The following VPS26A variants were observed in gnomAD, a reference collection of about 807,000 sequenced individuals.
The protein encoded by VPS26A is vacuolar protein sorting-associated protein 26A.
Under a neutral mutation model 42.4 loss-of-function variants are expected in VPS26A, and 22 were observed. That is an observed-to-expected ratio of 0.52 (90% confidence interval 0.37 to 0.74). The LOEUF is 0.74. Ranked by LOEUF, VPS26A falls within the 30% of genes least tolerant of loss-of-function variation. The pLI, the probability that VPS26A is intolerant of heterozygous loss-of-function variation, is 0.00. For missense variants in VPS26A, 276 were observed against 379.2 expected (o/e 0.73, Z 2.26); for synonymous variants, 110 against 123.5 (o/e 0.89, Z 0.73).
chr10:69,149,727 GTTTT>G (rs151136046), intron 2 of VPS26A, among the ~76,000 whole-genome samples: 1 of 93,964 alleles, frequency 1.1e-5, no homozygotes. Flanking sequence ...CTTTCTTGGT[GTTTT>G]TTGTTTTTTT....
intron 7 of VPS26A, 65 bp downstream of exon 7, chr10:69,166,175 T>C (rs2132237844): frequency 6.9e-7 from 1 of 1,447,272 alleles, no homozygotes; most frequent in East Asian, 2.3e-5. Context: ...CAGTTTTGTT[T>C]GTATTTATTT....
intron 7 of VPS26A, among the ~76,000 whole-genome samples, chr10:69,166,773 T>C (rs1031946973): frequency 1.3e-5 from 2 of 152,206 alleles, no homozygotes; most frequent in Admixed American, 1.3e-4. Flanking sequence ...CCAGTTTTTA[T>C]GTAAAATTAT....
chr10:69,156,704 G>A (rs1841435544), intron 3 of VPS26A, among the ~76,000 whole-genome samples: 2 of 152,088 alleles, frequency 1.3e-5, no homozygotes, highest in Non-Finnish European at 2.9e-5. Flanking sequence ...CCTTGTCTAG[G>A]GGAAGTTCAA....
rs869048277 is a variant in VPS26A, at chr10:69,149,734, G to GT, written c.154-6048dup. On this transcript the variant is annotated intron_variant, in intron 2 of 8. Transcript: ENST00000263559. Reference sequence around the variant, plus strand: ...AATGTTAACTTTCTTGGTGTTTTTTGTTTTTTTTTTTTTTTTTTTTTTTTT... The same window carrying GT: ...AATGTTAACTTTCTTGGTGTTTTTTGTTTTTTTTTTTTTTTTTTTTTTTTTT... 9.9e-3 allele frequency among the ~76,000 whole-genome samples: 211 copies of GT among 21,404 alleles called. 14 individuals are homozygous for GT. The highest frequency in any genetic ancestry group is 0.015 in the African/African-American group (169 of 10,996). The allele number at this position is 21,404 out of a possible 152,430, so 14.0% of individuals were successfully genotyped here. A position where few individuals can be genotyped will look rare whatever the true frequency, so the allele number is the denominator to read the frequency against.
intron 2 of VPS26A, 68 bp from the exon 3 acceptor site, chr10:69,155,744 G>T: frequency 2.5e-6 from 3 of 1,202,744 alleles, no homozygotes; most frequent in South Asian, 1.3e-5. Flanking sequence ...GCATTCATCT[G>T]AAAGGAAGCT....
Position 69,171,614 on chromosome 10 carries a change from T to C in VPS26A, c.*345T>C, listed in dbSNP as rs543420676. On this transcript the variant is annotated 3_prime_UTR_variant, in exon 9 of 9. Transcript: ENST00000263559. ...GGTATTTGTAATTTTGCTTTCTTTC[T>C]GCATAATGTTGATTATAAATCCTCT... 2 of 169,952 alleles carry C rather than the reference T, an allele frequency of 1.2e-5. No individual in the cohort carries two copies. Among genetic ancestry groups the C allele is most frequent in the East Asian group, 3.5e-4 (2 of 5,670 alleles). 10.5% of individuals were successfully genotyped at this position (169,952 alleles called of 1,614,324 possible).
intron 6 of VPS26A, among the ~76,000 whole-genome samples, chr10:69,164,261 A>T (rs936723981): frequency 4.7e-5 from 7 of 149,830 alleles, no homozygotes; most frequent in African/African-American, 1.5e-4. Flanking sequence ...ACTGTCACCC[A>T]GGCTGGAGTG....
intron 2 of VPS26A, among the ~76,000 whole-genome samples, chr10:69,154,694 C>CTT (rs1841391712): frequency 6.6e-6 from 1 of 152,180 alleles, no homozygotes; most frequent in African/African-American, 2.4e-5. Context: ...GAGACCTCAT[C>CTT]TCTACAAAAA....
chr10:69,130,527 G>A (rs1056155621), intron 1 of VPS26A, among the ~76,000 whole-genome samples: 2 of 152,220 alleles, frequency 1.3e-5, no homozygotes, highest in African/African-American at 4.8e-5. Context: ...AGAATACATT[G>A]TGTGTGTGTC....
At chr10:69,159,271 C>T (rs1335794904) in intron 5 of VPS26A, among the ~76,000 whole-genome samples, 1 of 151,630 alleles carries the variant, frequency 6.6e-6, no homozygotes, top group Non-Finnish European at 1.5e-5. Flanking sequence ...ATCCCAGCTA[C>T]TTGGGAGGCT....
At chr10:69,126,968 T>C (rs977047563) in intron 1 of VPS26A, among the ~76,000 whole-genome samples, 1 of 151,780 alleles carries the variant, frequency 6.6e-6, no homozygotes, top group African/African-American at 2.4e-5. Context: ...ATTATTATTA[T>C]TATTTTTTGA....
chr10:69,171,029 TGGAAAAGAGGAG>T (rs1841801436), intron 8 of VPS26A, 115 bp from the exon 9 acceptor site: 1 of 737,474 alleles, frequency 1.4e-6, no homozygotes, highest in Admixed American at 3.1e-5. Flanking sequence ...GAAAAGAAGT[TGGAAAAGAGGAG>T]GGCTTTTGTA....
chr10:69,136,532 A>G (rs1311507918), intron 2 of VPS26A, among the ~76,000 whole-genome samples: 1 of 151,896 alleles, frequency 6.6e-6, no homozygotes, highest in East Asian at 1.9e-4. Flanking sequence ...AGCCTCCCAA[A>G]GTGCTGGATT....
At chr10:69,130,405 C>G (rs1268341376) in intron 1 of VPS26A, among the ~76,000 whole-genome samples, 2 of 152,120 alleles carry the variant, frequency 1.3e-5, no homozygotes, top group South Asian at 4.1e-4. Context: ...TTGCTTGGCT[C>G]TAAGACAAGA....
At chr10:69,161,763 A>G in intron 5 of VPS26A, 1 of 347,008 alleles carries the variant, frequency 2.9e-6, no homozygotes, top group South Asian at 2.7e-5. Context: ...GCACACAAAG[A>G]TGAGCTTGGT....
chr10:69,129,713 C>T (rs1291049236), intron 1 of VPS26A, among the ~76,000 whole-genome samples: 2 of 151,982 alleles, frequency 1.3e-5, no homozygotes, highest in South Asian at 2.1e-4. Context: ...TTAGTAGAGA[C>T]GGGGTTTCAC....
intron 2 of VPS26A, among the ~76,000 whole-genome samples, chr10:69,136,273 T>A (rs945917261): frequency 6.6e-6 from 1 of 151,424 alleles, no homozygotes; most frequent in African/African-American, 2.4e-5. Flanking sequence ...TCTTTTCTTT[T>A]TTTTTTTTTG....
intron 2 of VPS26A, among the ~76,000 whole-genome samples, chr10:69,154,614 G>C (rs1465308705): frequency 1.3e-5 from 2 of 152,182 alleles, no homozygotes; most frequent in Admixed American, 1.3e-4. Context: ...TGTAAGCCCA[G>C]CACTTTGGGA....
At chr10:69,147,109 G>C (rs115161449) in intron 2 of VPS26A, among the ~76,000 whole-genome samples, 2,618 of 152,108 alleles carry the variant, frequency 0.017, 65 homozygotes, top group African/African-American at 0.059. Flanking sequence ...TTTTATTATA[G>C]GTATTTTAGT....
Sources: allele counts gnomAD v4.1 joint callset (sites outside exome capture counted in the v4.1 genomes callset), GRCh38; gene constraint gnomAD v4.1.1; transcripts MANE v1.5; gene names NCBI Gene and HGNC (gene_info 2026-07-23, HGNC 2026-07-21).